The following FRMD5 variants were observed in gnomAD, a reference collection of about 807,000 sequenced individuals.
The protein encoded by FRMD5 is FERM domain containing 5.
Under a neutral mutation model 69.0 loss-of-function variants are expected in FRMD5, and 20 were observed. The ratio of observed to expected loss-of-function variants is 0.29; its 90% CI spans 0.20 to 0.42. The LOEUF is 0.42. FRMD5 is among the 10% of genes least tolerant of loss of function. The pLI, the probability that FRMD5 is intolerant of heterozygous loss-of-function variation, is 1.00. For synonymous variants in FRMD5, 271 were observed against 260.1 expected (o/e 1.04, Z -0.40); for missense variants, 595 against 708.6 (o/e 0.84, Z 1.82).
At position 43,873,704 on chromosome 15, in the gene FRMD5, AG is replaced by A. The variant is rs1233160488; in HGVS notation, c.*180del. 1 of 1,514,846 alleles carries A rather than the reference AG, an allele frequency of 6.6e-7. No homozygotes were observed. The highest frequency in any genetic ancestry group is 8.8e-7 in the Non-Finnish European group (1 of 1,141,368). The allele number at this position is 1,514,846 out of a possible 1,614,324, so 93.8% of individuals were successfully genotyped here. On this transcript the variant is annotated 3_prime_UTR_variant, in exon 14 of 14. Transcript: ENST00000417257. ...ATGAGTTTTCCCAGTTTGTTTAGAC[AG>A]GGCATGAGCCTATCCCTTTCTTCTT...
intron 1 of FRMD5, among the ~76,000 whole-genome samples, chr15:43,962,301 C>T (rs1436833328): frequency 2.0e-5 from 3 of 152,142 alleles, no homozygotes; most frequent in East Asian, 1.9e-4. Flanking sequence ...AACTCCCATT[C>T]ACAATTGCTT....
intron 1 of FRMD5, among the ~76,000 whole-genome samples, chr15:44,069,760 T>C (rs1347817848): frequency 1.3e-5 from 2 of 152,194 alleles, no homozygotes; most frequent in African/African-American, 4.8e-5. Context: ...GTATCTTGAC[T>C]ATGATATTGT....
At chr15:44,039,264 CCT>C (rs1403167666) in intron 1 of FRMD5, among the ~76,000 whole-genome samples, 1 of 152,222 alleles carries the variant, frequency 6.6e-6, no homozygotes, top group African/African-American at 2.4e-5. Flanking sequence ...ACTTAAATGT[CCT>C]TGCCTGACAG....
upstream of FRMD5, among the ~76,000 whole-genome samples, chr15:44,197,974 C>G (rs568905631): frequency 1.3e-4 from 20 of 152,144 alleles, no homozygotes; most frequent in African/African-American, 4.8e-4. Context: ...GACTGTATTT[C>G]CTATGTCAAT....
chr15:44,018,831 T>C (rs1190280440), intron 1 of FRMD5, among the ~76,000 whole-genome samples: 1 of 152,226 alleles, frequency 6.6e-6, no homozygotes. Context: ...AGAAATAATT[T>C]TTGGCATATT....
intron 1 of FRMD5, among the ~76,000 whole-genome samples, chr15:44,118,168 T>C (rs1190766804): frequency 6.6e-6 from 1 of 152,100 alleles, no homozygotes; most frequent in African/African-American, 2.4e-5. Context: ...AAAACTTCTG[T>C]ACTTAAACTT....
chr15:43,966,187 G>A (rs1052581707), intron 1 of FRMD5, among the ~76,000 whole-genome samples: 2 of 151,822 alleles, frequency 1.3e-5, no homozygotes, highest in Admixed American at 6.6e-5. Flanking sequence ...CCTGACCAAC[G>A]TGGTGAAACC....
At chr15:43,900,708 C>T (rs1300438126) in intron 7 of FRMD5, among the ~76,000 whole-genome samples, 1 of 151,326 alleles carries the variant, frequency 6.6e-6, no homozygotes, top group Non-Finnish European at 1.5e-5. Flanking sequence ...ACCTCCACTT[C>T]CCGAGTTCAT....
chr15:43,917,259 C>G (rs1311289120), intron 4 of FRMD5, among the ~76,000 whole-genome samples: 4 of 152,228 alleles, frequency 2.6e-5, no homozygotes, highest in Non-Finnish European at 1.5e-5. Context: ...GATATGTAGA[C>G]AGGAGTACCA....
intron 1 of FRMD5, among the ~76,000 whole-genome samples, chr15:43,955,143 G>T (rs959630763): frequency 6.6e-6 from 1 of 152,136 alleles, no homozygotes; most frequent in African/African-American, 2.4e-5. Flanking sequence ...GAAGTAACAA[G>T]AATTTTCTCA....
intron 1 of FRMD5, among the ~76,000 whole-genome samples, chr15:44,100,440 ATAAT>A (rs2076622529): frequency 6.6e-6 from 1 of 152,182 alleles, no homozygotes; most frequent in Admixed American, 6.5e-5. Flanking sequence ...AGCACTATAA[ATAAT>A]TAGTGTATGT....
At chr15:43,918,656 A>G (rs1239302549) in intron 4 of FRMD5, among the ~76,000 whole-genome samples, 1 of 152,204 alleles carries the variant, frequency 6.6e-6, no homozygotes, top group Non-Finnish European at 1.5e-5. Flanking sequence ...CCCTGGCATC[A>G]CATCCTTACC....
intron 1 of FRMD5, among the ~76,000 whole-genome samples, chr15:44,096,265 G>T (rs1012299347): frequency 6.6e-6 from 1 of 151,010 alleles, no homozygotes; most frequent in Non-Finnish European, 1.5e-5. Context: ...TCCAACTCAG[G>T]GTGATCCATT....
chr15:44,069,574 T>C (rs916180539), intron 1 of FRMD5, among the ~76,000 whole-genome samples: 1 of 152,106 alleles, frequency 6.6e-6, no homozygotes, highest in African/African-American at 2.4e-5. Context: ...AGGTTATAAA[T>C]GGTATGATTC....
chr15:44,131,738 G>C (rs2140420721), intron 1 of FRMD5, among the ~76,000 whole-genome samples: 1 of 152,380 alleles, frequency 6.6e-6, no homozygotes, highest in South Asian at 2.1e-4. Flanking sequence ...ACTTACACTA[G>C]TTAAAATCAT....
intron 1 of FRMD5, among the ~76,000 whole-genome samples, chr15:44,054,930 C>T (rs1463805568): frequency 2.6e-5 from 4 of 152,056 alleles, no homozygotes; most frequent in Non-Finnish European, 4.4e-5. Flanking sequence ...ATTACCTGGG[C>T]GTGGTGGCAT....
chr15:43,983,510 A>G (rs1415346888), intron 1 of FRMD5, among the ~76,000 whole-genome samples: 1 of 152,128 alleles, frequency 6.6e-6, no homozygotes, highest in African/African-American at 2.4e-5. Flanking sequence ...TCTCCTCCAA[A>G]AGTCTGTTAT....
At chr15:44,037,469 CTTT>C (rs777164587) in intron 1 of FRMD5, among the ~76,000 whole-genome samples, 10 of 137,514 alleles carry the variant, frequency 7.3e-5, no homozygotes, top group South Asian at 2.3e-4. Flanking sequence ...TGTCTTTTCT[CTTT>C]TTTTTTTTTT....
chr15:43,893,259 G>GA (rs1323976110), intron 7 of FRMD5, among the ~76,000 whole-genome samples: 2 of 151,990 alleles, frequency 1.3e-5, no homozygotes, highest in African/African-American at 4.8e-5. Flanking sequence ...TTTAGCTGAA[G>GA]AAAAAAACAA....
Sources: gnomAD v4.1 joint callset for allele counts (sites outside exome capture counted in the v4.1 genomes callset) on GRCh38, gnomAD v4.1.1 for gene constraint, MANE v1.5 for transcripts, NCBI Gene and HGNC (gene_info 2026-07-23, HGNC 2026-07-21) for gene names.